SGCZ: variants seen among roughly 807,000 people sequenced by gnomAD.
The protein encoded by SGCZ is sarcoglycan zeta.
Under a neutral mutation model 41.3 loss-of-function variants are expected in SGCZ, and 40 were observed. That is an observed-to-expected ratio of 0.97 (90% CI 0.75 to 1.26). SGCZ has a LOEUF of 1.26. SGCZ is among the 50% of genes most tolerant of loss of function. The pLI is 0.00. For synonymous variants in SGCZ, 206 were observed against 137.5 expected (o/e 1.50, Z -3.49); for missense variants, 552 against 369.8 (o/e 1.49, Z -4.04).
chr8:14,250,162 G>A (rs551471752), intron 3 of SGCZ, among the ~76,000 whole-genome samples: 1 of 152,158 alleles, frequency 6.6e-6, no homozygotes, highest in Admixed American at 6.5e-5. Flanking sequence ...CCCAGCTGAG[G>A]TGCAGGACTA....
intron 2 of SGCZ, among the ~76,000 whole-genome samples, chr8:14,394,290 A>C (rs527829956): frequency 6.6e-6 from 1 of 151,854 alleles, no homozygotes; most frequent in Non-Finnish European, 1.5e-5. Context: ...AGCTGGGACT[A>C]CAGGCATGCG....
chr8:14,876,448 A>G (rs1192656419), intron 1 of SGCZ, among the ~76,000 whole-genome samples: 1 of 152,202 alleles, frequency 6.6e-6, no homozygotes, highest in African/African-American at 2.4e-5. Context: ...AACTAGAGGA[A>G]CAACAGCTAA....
At chr8:14,465,895 TG>T (rs1306589995) in intron 2 of SGCZ, among the ~76,000 whole-genome samples, 1 of 151,892 alleles carries the variant, frequency 6.6e-6, no homozygotes, top group Non-Finnish European at 1.5e-5. Flanking sequence ...GAAAACAAAA[TG>T]TAAGTTACAA....
intron 1 of SGCZ, among the ~76,000 whole-genome samples, chr8:15,134,069 C>T (rs1808016629): frequency 6.6e-6 from 1 of 152,130 alleles, no homozygotes; most frequent in South Asian, 2.1e-4. Flanking sequence ...TTGATTAAGG[C>T]AGATGACTGA....
chr8:14,227,328 C>G (rs1315598834), intron 4 of SGCZ, among the ~76,000 whole-genome samples: 1 of 151,974 alleles, frequency 6.6e-6, no homozygotes, highest in Non-Finnish European at 1.5e-5. Flanking sequence ...TTAACATGTT[C>G]TAATTCCTTT....
intron 3 of SGCZ, among the ~76,000 whole-genome samples, chr8:14,303,237 AG>A: frequency 6.6e-6 from 1 of 152,360 alleles, no homozygotes; most frequent in East Asian, 1.9e-4. Context: ...AAAGCATAAT[AG>A]GAAATATTAT....
intron 4 of SGCZ, among the ~76,000 whole-genome samples, chr8:14,168,276 C>G (rs1382977277): frequency 6.6e-6 from 1 of 151,776 alleles, no homozygotes; most frequent in African/African-American, 2.4e-5. Context: ...GTCAACCAAC[C>G]AACAACAAAC....
chr8:14,601,324 T>C (rs1277489124), intron 1 of SGCZ, among the ~76,000 whole-genome samples: 1 of 152,150 alleles, frequency 6.6e-6, no homozygotes, highest in Non-Finnish European at 1.5e-5. Context: ...CACAGTTTCT[T>C]CTGTACATAA....
intron 1 of SGCZ, among the ~76,000 whole-genome samples, chr8:14,782,374 C>G (rs1339773754): frequency 6.6e-6 from 1 of 152,140 alleles, no homozygotes; most frequent in Non-Finnish European, 1.5e-5. Context: ...ATAATGTAAG[C>G]TTCTGTTTTG....
intron 1 of SGCZ, among the ~76,000 whole-genome samples, chr8:15,146,264 G>A (rs914115431): frequency 1.3e-5 from 2 of 152,110 alleles, no homozygotes; most frequent in African/African-American, 4.8e-5. Flanking sequence ...TGATGTAAAT[G>A]CCTACCGTTG....
chr8:14,710,791 C>T (rs1809491248), intron 1 of SGCZ, among the ~76,000 whole-genome samples: 1 of 152,020 alleles, frequency 6.6e-6, no homozygotes, highest in African/African-American at 2.4e-5. Context: ...TAAAATAGTA[C>T]TTGGAACAAC....
intron 5 of SGCZ, among the ~76,000 whole-genome samples, chr8:14,129,383 G>C (rs1257722528): frequency 5.9e-5 from 8 of 136,326 alleles, no homozygotes; most frequent in Admixed American, 4.5e-4. Context: ...ATCTGCTCTT[G>C]TACTCATAAA....
intron 1 of SGCZ, among the ~76,000 whole-genome samples, chr8:15,060,898 G>C (rs920457314): frequency 6.6e-6 from 1 of 152,074 alleles, no homozygotes; most frequent in African/African-American, 2.4e-5. Context: ...TTTTAGCCTT[G>C]GCTGGATTGC....
chr8:14,487,637 C>T (rs1002644378), intron 2 of SGCZ: 1 of 152,256 alleles, frequency 6.6e-6, no homozygotes, highest in African/African-American at 2.4e-5. Flanking sequence ...TATAATATTG[C>T]TGAATCCTCA....
intron 1 of SGCZ, among the ~76,000 whole-genome samples, chr8:14,875,876 A>G (rs1298284994): frequency 1.3e-5 from 2 of 152,170 alleles, no homozygotes; most frequent in Non-Finnish European, 2.9e-5. Flanking sequence ...CATCACCCTA[A>G]TCCAAAGTTG....
chr8:15,226,927 C>G (rs997678889), intron 1 of SGCZ, among the ~76,000 whole-genome samples: 3 of 152,146 alleles, frequency 2.0e-5, no homozygotes, highest in Non-Finnish European at 4.4e-5. Flanking sequence ...TGAGCTCCAG[C>G]TTGGATGACA....
intron 3 of SGCZ, among the ~76,000 whole-genome samples, chr8:14,299,405 T>C (rs1216023298): frequency 2.6e-5 from 4 of 151,956 alleles, no homozygotes; most frequent in Non-Finnish European, 5.9e-5. Context: ...ATTCACAACA[T>C]ATATATCTGA....
chr8:15,138,651 C>T (rs555419655), intron 1 of SGCZ, among the ~76,000 whole-genome samples: 1 of 152,288 alleles, frequency 6.6e-6, no homozygotes, highest in South Asian at 2.1e-4. Flanking sequence ...TCTCCTGCCA[C>T]CCTGTGAAGA....
intron 3 of SGCZ, among the ~76,000 whole-genome samples, chr8:14,314,389 A>G (rs1801648776): frequency 6.6e-6 from 1 of 151,926 alleles, no homozygotes; most frequent in Non-Finnish European, 1.5e-5. Context: ...CAAAATACAG[A>G]TTTTTTTTCT....
Sources: gnomAD v4.1 joint callset for allele counts (sites outside exome capture counted in the v4.1 genomes callset) on GRCh38, gnomAD v4.1.1 for gene constraint, MANE v1.5 for transcripts, NCBI Gene and HGNC (gene_info 2026-07-23, HGNC 2026-07-21) for gene names.